The following ARMH4 variants were observed in gnomAD, a reference collection of about 807,000 sequenced individuals.
ARMH4 encodes the protein armadillo like helical domain containing 4, also known as armadillo-like helical domain-containing protein 4.
ARMH4 carries 49 observed loss-of-function variants against 61.9 expected under a neutral mutation model. The observed-to-expected ratio is 0.79, with a 90% CI of 0.63 to 1.00. The LOEUF (loss-of-function observed/expected upper bound fraction) is 1.00. Ranked by LOEUF, ARMH4 falls within the 50% of genes least tolerant of loss-of-function variation. The pLI, the probability that ARMH4 is intolerant of heterozygous loss-of-function variation, is 0.00. For missense variants in ARMH4, 934 were observed against 930.0 expected (o/e 1.00, Z -0.06); for synonymous variants, 368 against 341.5 (o/e 1.08, Z -0.85).
chr14:58,014,104 A>G (rs1882513638), intron 5 of ARMH4, among the ~76,000 whole-genome samples: 1 of 152,102 alleles, frequency 6.6e-6, no homozygotes, highest in Admixed American at 6.5e-5. Flanking sequence ...CGAACTACCA[A>G]TTTCTTTTGG....
chr14:58,133,397 A>G, intron 2 of ARMH4, 56 bp from the exon 3 acceptor site: 1 of 1,522,594 alleles, frequency 6.6e-7, no homozygotes, highest in Non-Finnish European at 8.8e-7. Context: ...TTTAAAAAAA[A>G]AAAATCATGA....
chr14:58,106,245 C>T (rs573365946), intron 4 of ARMH4, among the ~76,000 whole-genome samples: 5 of 152,134 alleles, frequency 3.3e-5, no homozygotes, highest in Non-Finnish European at 5.9e-5. Flanking sequence ...TCAAGTCACT[C>T]GGGATTAATC....
chr14:58,056,662 C>T (rs1594727509), intron 5 of ARMH4, among the ~76,000 whole-genome samples: 2 of 152,250 alleles, frequency 1.3e-5, no homozygotes, highest in Admixed American at 6.5e-5. Flanking sequence ...ATGCAAGCCT[C>T]GGGCTGAAGT....
At chr14:58,061,767 T>C (rs1050212429) in intron 5 of ARMH4, among the ~76,000 whole-genome samples, 20 of 152,150 alleles carry the variant, frequency 1.3e-4, no homozygotes, top group African/African-American at 3.9e-4. Context: ...CATCACATTC[T>C]ACTTCAAGTA....
At chr14:58,060,686 T>C (rs574000957) in intron 5 of ARMH4, among the ~76,000 whole-genome samples, 1 of 152,266 alleles carries the variant, frequency 6.6e-6, no homozygotes, top group South Asian at 2.1e-4. Context: ...TCTAAGCATA[T>C]GATTTACAAA....
At chr14:58,149,425 C>G (rs973430629) in intron 1 of ARMH4, among the ~76,000 whole-genome samples, 3 of 152,094 alleles carry the variant, frequency 2.0e-5, no homozygotes, top group Non-Finnish European at 4.4e-5. Context: ...AAAGCATGGT[C>G]CCCCAGGAGG....
At chr14:58,081,703 C>T (rs771704244) in intron 5 of ARMH4, among the ~76,000 whole-genome samples, 3 of 151,628 alleles carry the variant, frequency 2.0e-5, no homozygotes, top group Non-Finnish European at 2.9e-5. Flanking sequence ...GGGGTTTCAC[C>T]GTGTTAGTTA....
intron 5 of ARMH4, among the ~76,000 whole-genome samples, chr14:58,051,903 A>G (rs911789904): frequency 2.6e-5 from 4 of 152,146 alleles, no homozygotes; most frequent in African/African-American, 9.7e-5. Context: ...TTATCTAGTT[A>G]ACAACTCAAA....
intron 5 of ARMH4, among the ~76,000 whole-genome samples, chr14:58,089,160 T>A (rs1885477193): frequency 6.6e-6 from 1 of 152,236 alleles, no homozygotes; most frequent in African/African-American, 2.4e-5. Context: ...TCCATACACA[T>A]ACTTAATTAT....
rs60967658 is a variant in ARMH4, at chr14:58,081,523, C to T, written c.2089+15201G>A. Among the ~76,000 whole-genome samples the T allele has an allele frequency of 6.6e-3, 981 of 147,536 alleles. 7 individuals carry two copies. Among genetic ancestry groups the T allele is most frequent in the African/African-American group, 0.023 (928 of 39,544 alleles). ...TCATATCTTTTTTTTTTTTTTTAGA[C>T]GGAATCTCGCTCTGTCACCTGGGCT... is the stretch of plus-strand genomic sequence containing the variant. On this transcript the variant is annotated intron_variant, in intron 5 of 7. Transcript: ENST00000267485.
intron 4 of ARMH4, among the ~76,000 whole-genome samples, chr14:58,120,534 T>C (rs2141303627): frequency 6.6e-6 from 1 of 152,238 alleles, no homozygotes; most frequent in Middle Eastern, 3.4e-3. Context: ...CTCTGTAAAA[T>C]ATTTGAAGAG....
chr14:58,023,479 ATTCTCT>A (rs896476913), intron 5 of ARMH4, among the ~76,000 whole-genome samples: 26 of 152,100 alleles, frequency 1.7e-4, no homozygotes, highest in African/African-American at 5.8e-4. Flanking sequence ...TATAATTCTA[ATTCTCT>A]TTCTATTTCT....
intron 1 of ARMH4, among the ~76,000 whole-genome samples, chr14:58,146,912 G>C (rs911056382): frequency 6.6e-6 from 1 of 152,214 alleles, no homozygotes; most frequent in Non-Finnish European, 1.5e-5. Flanking sequence ...GGCACAATGA[G>C]CATCGCCCCA....
chr14:58,091,456 AG>A (rs1885562233), intron 5 of ARMH4, among the ~76,000 whole-genome samples: 1 of 152,118 alleles, frequency 6.6e-6, no homozygotes, highest in South Asian at 2.1e-4. Context: ...TCTTGTTTTG[AG>A]GGGAAAAAAA....
chr14:58,029,991 T>C (rs572220808), intron 5 of ARMH4, among the ~76,000 whole-genome samples: 50 of 152,316 alleles, frequency 3.3e-4, no homozygotes, highest in African/African-American at 1.2e-3. Flanking sequence ...AAATGCGGTA[T>C]AGACATACAG....
chr14:58,115,659 G>T (rs1339642846), intron 4 of ARMH4, among the ~76,000 whole-genome samples: 1 of 152,148 alleles, frequency 6.6e-6, no homozygotes, highest in Admixed American at 6.5e-5. Context: ...GCAAAGGCAG[G>T]TAATCAACGA....
At chr14:58,042,498 G>C (rs905766468) in intron 5 of ARMH4, among the ~76,000 whole-genome samples, 1 of 152,022 alleles carries the variant, frequency 6.6e-6, no homozygotes, top group Non-Finnish European at 1.5e-5. Context: ...GAGAAAGCAG[G>C]AAAGATCTAA....
intron 4 of ARMH4, among the ~76,000 whole-genome samples, chr14:58,127,289 G>A (rs573960004): frequency 9.9e-5 from 15 of 152,176 alleles, no homozygotes; most frequent in African/African-American, 1.4e-4. Flanking sequence ...CCCAGTGGGA[G>A]GTAACTGAAT....
At chr14:58,084,189 G>A (rs1359423791) in intron 5 of ARMH4, among the ~76,000 whole-genome samples, 1 of 150,086 alleles carries the variant, frequency 6.7e-6, no homozygotes, top group African/African-American at 2.5e-5. Flanking sequence ...AGAAGAAAAG[G>A]CTGCAAGGTT....
Sources: allele counts gnomAD v4.1 joint callset (sites outside exome capture counted in the v4.1 genomes callset), GRCh38; gene constraint gnomAD v4.1.1; transcripts MANE v1.5; gene names NCBI Gene and HGNC (gene_info 2026-07-23, HGNC 2026-07-21).